The following PRKG1 variants were observed in gnomAD, a reference collection of about 807,000 sequenced individuals.
The protein encoded by PRKG1 is protein kinase cGMP-dependent 1.
A neutral mutation model predicts 88.1 loss-of-function variants in PRKG1; 35 were observed. The ratio of observed to expected loss-of-function variants is 0.40; its 90% CI spans 0.30 to 0.53. The LOEUF is 0.53. Among genes scored for constraint, PRKG1 ranks in the 20% least tolerant of loss-of-function variants. PRKG1 has a pLI of 0.59. For synonymous variants in PRKG1, 303 were observed against 292.5 expected, an observed-to-expected ratio of 1.04 and a Z score of -0.37; for missense variants, 540 against 839.8, an observed-to-expected ratio of 0.64 and a Z score of 4.41.
At chr10:52,029,688 T>C (rs1027086218) in intron 5 of PRKG1, among the ~76,000 whole-genome samples, 1 of 152,196 alleles carries the variant, frequency 6.6e-6, no homozygotes, top group Non-Finnish European at 1.5e-5. Flanking sequence ...CTCTAGGTTA[T>C]CTAATTTAAC....
rs1843902127 is a variant in PRKG1, at chr10:51,074,719, G to C, written c.129G>C (p.Gln43His). 6.2e-7 allele frequency: 1 copy of C among 1,613,950 alleles called. No individual in the cohort carries two copies. Among genetic ancestry groups the C allele is most frequent in the African/African-American group, 1.3e-5 (1 of 74,948 alleles). Residue 43 changes from glutamine (Q) to histidine (H), a missense_variant, in exon 1 of 18, where the codon CAG becomes CAC. Physicochemically the swap from Gln to His is conservative, Grantham distance 24 (BLOSUM62 0). This residue lies in a region of PRKG1 where 400 missense variants were observed against 562.7 expected (regional missense o/e 0.71). Coordinates refer to ENST00000373980, the MANE Select transcript of PRKG1 (RefSeq NM_006258.4). ...DQKDELIQKL[Q>H]NELDKYRSVI... is the part of the protein sequence containing the mutation. ...AGGACGAACTGATCCAGAAGCTGCA[G>C]AACGAGCTGGACAAGTACCGCTCGG...
At chr10:52,239,120 A>T (rs1840774739) in intron 9 of PRKG1, among the ~76,000 whole-genome samples, 1 of 113,206 alleles carries the variant, frequency 8.8e-6, no homozygotes. Context: ...GAATTGAACA[A>T]TGAGATCACA....
intron 7 of PRKG1, among the ~76,000 whole-genome samples, chr10:52,130,183 C>T (rs537884985): frequency 1.7e-4 from 26 of 152,244 alleles, no homozygotes; most frequent in African/African-American, 6.3e-4. Context: ...ATGCTTCTTT[C>T]CAGTTTTAAT....
At chr10:52,233,553 G>A (rs61847357) in intron 9 of PRKG1, among the ~76,000 whole-genome samples, 721 of 135,616 alleles carry the variant, frequency 5.3e-3, no homozygotes, top group Non-Finnish European at 6.7e-3. Flanking sequence ...AAGGGGTGAC[G>A]GACGCACCTG....
At chr10:51,144,328 A>C (rs1053474930) in intron 1 of PRKG1, among the ~76,000 whole-genome samples, 3 of 152,090 alleles carry the variant, frequency 2.0e-5, no homozygotes, top group African/African-American at 7.2e-5. Context: ...TTTATCTTTA[A>C]ATCCTGACTC....
At position 51,023,603 on chromosome 10, in the gene PRKG1, A is replaced by T. The variant is rs114329390; in HGVS notation, c.266+31959A>T. On this transcript the variant is annotated intron_variant, in intron 1 of 17. Coordinates refer to the PRKG1 transcript ENST00000401604. ...TAGATTCACAGAGATGGAGTCTAGT[A>T]TATTAAATCATGAGTATTTGTTTAA... 8.6e-3 allele frequency among the ~76,000 whole-genome samples: 1,313 copies of T among 152,320 alleles called. 26 individuals are homozygous for T. Among genetic ancestry groups the T allele is most frequent in the African/African-American group, 0.029 (1,220 of 41,572 alleles).
chr10:51,298,288 A>G (rs1840775051), intron 2 of PRKG1, among the ~76,000 whole-genome samples: 1 of 152,160 alleles, frequency 6.6e-6, no homozygotes, highest in African/African-American at 2.4e-5. Flanking sequence ...AATGTGGTTT[A>G]TTTTATAGGC....
intron 3 of PRKG1, among the ~76,000 whole-genome samples, chr10:51,694,483 A>T (rs1057447415): frequency 6.6e-6 from 1 of 152,214 alleles, no homozygotes; most frequent in African/African-American, 2.4e-5. Flanking sequence ...ATCTTATCAA[A>T]TACTCCCAAA....
chr10:51,549,639 C>T (rs1005111625), intron 3 of PRKG1, among the ~76,000 whole-genome samples: 2 of 152,158 alleles, frequency 1.3e-5, no homozygotes, highest in Admixed American at 6.6e-5. Context: ...ATTTCTCCTT[C>T]TAACATTTTC....
chr10:51,212,703 A>G (rs1357467816), intron 2 of PRKG1, among the ~76,000 whole-genome samples: 3 of 152,328 alleles, frequency 2.0e-5, no homozygotes, highest in Admixed American at 2.0e-4. Context: ...GCAGCCAAAA[A>G]ACACATGAAA....
At chr10:51,342,316 A>C (rs753620972) in intron 2 of PRKG1, among the ~76,000 whole-genome samples, 46 of 152,204 alleles carry the variant, frequency 3.0e-4, no homozygotes, top group Non-Finnish European at 5.3e-4. Context: ...TTTTAAGATT[A>C]GGAAAATGTC....
At chr10:52,293,126 CAG>C (rs1205743170) in intron 17 of PRKG1, among the ~76,000 whole-genome samples, 1 of 149,246 alleles carries the variant, frequency 6.7e-6, no homozygotes, top group African/African-American at 2.5e-5. Context: ...AACAGACAAA[CAG>C]AGAGCCAAAT....
chr10:51,743,034 A>T (rs909522030), intron 3 of PRKG1, among the ~76,000 whole-genome samples: 2 of 151,990 alleles, frequency 1.3e-5, no homozygotes, highest in Non-Finnish European at 2.9e-5. Flanking sequence ...GTATCCCAGA[A>T]CTTAAAGTAA....
chr10:51,519,896 C>G (rs968632719), intron 3 of PRKG1, among the ~76,000 whole-genome samples: 1 of 152,142 alleles, frequency 6.6e-6, no homozygotes, highest in Non-Finnish European at 1.5e-5. Context: ...AATCTTATCT[C>G]AGAAAGAAAC....
intron 1 of PRKG1, among the ~76,000 whole-genome samples, chr10:51,102,288 C>T (rs533811102): frequency 2.6e-5 from 4 of 152,100 alleles, no homozygotes; most frequent in African/African-American, 9.6e-5. Flanking sequence ...GTTTAACAAT[C>T]AGCATGACAA....
At chr10:51,967,888 C>T (rs1438895764) in intron 5 of PRKG1, among the ~76,000 whole-genome samples, 1 of 152,162 alleles carries the variant, frequency 6.6e-6, no homozygotes, top group Non-Finnish European at 1.5e-5. Context: ...TTTCTCAGTT[C>T]ATCACCTGCT....
At chr10:51,194,655 G>A (rs188002171) in intron 2 of PRKG1, among the ~76,000 whole-genome samples, 50 of 151,918 alleles carry the variant, frequency 3.3e-4, no homozygotes, top group Non-Finnish European at 1.8e-4. Flanking sequence ...GTAGTTTTTC[G>A]GTGTGTGTAT....
At chr10:51,530,914 G>A (rs562913601) in intron 3 of PRKG1, among the ~76,000 whole-genome samples, 2 of 152,172 alleles carry the variant, frequency 1.3e-5, no homozygotes, top group East Asian at 3.9e-4. Context: ...TTATGGGCCC[G>A]GGGTTTGGAA....
At chr10:51,737,310 C>T (rs999795653) in intron 3 of PRKG1, among the ~76,000 whole-genome samples, 1 of 152,188 alleles carries the variant, frequency 6.6e-6, no homozygotes, top group Non-Finnish European at 1.5e-5. Context: ...GCTTTCTTAC[C>T]GTTCATGGTA....
Sources: gnomAD v4.1 joint callset for allele counts (sites outside exome capture counted in the v4.1 genomes callset) on GRCh38, gnomAD v4.1.1 for gene constraint, gnomAD v4.1.1 regional missense constraint, MANE v1.5 for transcripts, NCBI Gene and HGNC (gene_info 2026-07-23, HGNC 2026-07-21) for gene names.